The following ROBO1 variants were observed in gnomAD, a reference collection of about 807,000 sequenced individuals.
ROBO1 encodes roundabout guidance receptor 1.
ROBO1 carries 149 observed loss-of-function variants against 195.9 expected under a neutral mutation model. The observed-to-expected ratio is 0.76, with a 90% CI of 0.67 to 0.87. The LOEUF (loss-of-function observed/expected upper bound fraction) is 0.87. ROBO1 is among the 40% of genes least tolerant of loss of function. ROBO1 has a pLI of 0.00. For missense variants in ROBO1, 1,933 were observed against 2,068.3 expected, an observed-to-expected ratio of 0.93 and a Z score of 1.27; for synonymous variants, 816 against 733.2, an observed-to-expected ratio of 1.11 and a Z score of -1.82.
chr3:79,294,652 G>A (rs574999619), intron 2 of ROBO1, among the ~76,000 whole-genome samples: 47 of 152,188 alleles, frequency 3.1e-4, no homozygotes, highest in African/African-American at 8.9e-4. Flanking sequence ...AATCATAAGG[G>A]TGAACAGGCA....
At chr3:79,302,671 G>A (rs947671154) in intron 2 of ROBO1, among the ~76,000 whole-genome samples, 1 of 152,134 alleles carries the variant, frequency 6.6e-6, no homozygotes, top group Non-Finnish European at 1.5e-5. Flanking sequence ...AATATTGCAA[G>A]AGAAAGAGTT....
chr3:78,856,937 C>G (rs1452751272), intron 4 of ROBO1, among the ~76,000 whole-genome samples: 1 of 151,558 alleles, frequency 6.6e-6, no homozygotes, highest in Non-Finnish European at 1.5e-5. Flanking sequence ...TATTTTTAAT[C>G]TTTTAAAATT....
At chr3:79,253,380 C>A (rs1156370531) in intron 2 of ROBO1, among the ~76,000 whole-genome samples, 1 of 152,174 alleles carries the variant, frequency 6.6e-6, no homozygotes, top group Admixed American at 6.5e-5. Flanking sequence ...AGGCTATTCT[C>A]TGCTCTCACA....
intron 2 of ROBO1, among the ~76,000 whole-genome samples, chr3:79,419,277 A>G (rs1041341835): frequency 1.3e-5 from 2 of 152,124 alleles, no homozygotes; most frequent in African/African-American, 2.4e-5. Flanking sequence ...AATTAGACAA[A>G]GAAGATGATC....
At chr3:79,595,901 T>A (rs1251029179) in intron 1 of ROBO1, among the ~76,000 whole-genome samples, 1 of 151,810 alleles carries the variant, frequency 6.6e-6, no homozygotes, top group Non-Finnish European at 1.5e-5. Flanking sequence ...TAGAGTAAAT[T>A]GCTATGCCTA....
intron 8 of ROBO1, among the ~76,000 whole-genome samples, chr3:78,695,178 T>A (rs1204877215): frequency 6.6e-6 from 1 of 150,396 alleles, no homozygotes; most frequent in African/African-American, 2.4e-5. Flanking sequence ...AAATGACGAG[T>A]TAATGGGTGC....
At chr3:79,174,850 C>T (rs555979172) in intron 2 of ROBO1, among the ~76,000 whole-genome samples, 235 of 140,578 alleles carry the variant, frequency 1.7e-3, no homozygotes, top group Non-Finnish European at 2.5e-3. Context: ...AGCAAGACTC[C>T]GCCTCAAAAA....
In ROBO1 at chr3:78,876,262, C is replaced by A. The variant is rs550390546; in HGVS notation, c.499+62339G>T. On this transcript the variant is annotated intron_variant, in intron 4 of 30. Coordinates refer to ENST00000464233, the MANE Select transcript of ROBO1 (RefSeq NM_002941.4). ...TTTTATAGCATTCAAAATAGTTCTA[C>A]AGAGTGTAACCAAACATAAACTAGT... Among the ~76,000 whole-genome samples, 203 of 152,146 alleles carry A rather than the reference C, an allele frequency of 1.3e-3. 2 individuals carry two copies. Among genetic ancestry groups the A allele is most frequent in the South Asian group, 5.4e-3 (26 of 4,826 alleles).
At chr3:79,388,563 A>T (rs964920631) in intron 2 of ROBO1, among the ~76,000 whole-genome samples, 3 of 152,154 alleles carry the variant, frequency 2.0e-5, no homozygotes, top group Non-Finnish European at 2.9e-5. Context: ...ATTGCAGAAA[A>T]AAAAAATCAC....
At chr3:79,673,935 C>T (rs1403376700) in intron 1 of ROBO1, among the ~76,000 whole-genome samples, 1 of 151,958 alleles carries the variant, frequency 6.6e-6, no homozygotes, top group East Asian at 1.9e-4. Flanking sequence ...AACTTTCCCT[C>T]CAGGGGAAGC....
chr3:79,437,392 A>C (rs1210291584), intron 2 of ROBO1, among the ~76,000 whole-genome samples: 2 of 152,092 alleles, frequency 1.3e-5, no homozygotes, highest in South Asian at 2.1e-4. Flanking sequence ...AATACCTGCA[A>C]TATCTACCAA....
At chr3:79,381,690 C>T (rs1452849197) in intron 2 of ROBO1, among the ~76,000 whole-genome samples, 1 of 151,896 alleles carries the variant, frequency 6.6e-6, no homozygotes, top group Non-Finnish European at 1.5e-5. Context: ...AATAACAGGG[C>T]TTAAGGCAAA....
At chr3:78,840,195 G>A (rs1163860549) in intron 4 of ROBO1, among the ~76,000 whole-genome samples, 1 of 152,118 alleles carries the variant, frequency 6.6e-6, no homozygotes, top group African/African-American at 2.4e-5. Context: ...ATGTTCAGCT[G>A]TCCTGATCAT....
chr3:79,373,831 A>C (rs1367488727), intron 2 of ROBO1, among the ~76,000 whole-genome samples: 1 of 152,186 alleles, frequency 6.6e-6, no homozygotes, highest in Admixed American at 6.5e-5. Flanking sequence ...TGCAAAATTC[A>C]GCATTCTGGG....
At chr3:78,703,642 C>A (rs1230280337) in intron 8 of ROBO1, among the ~76,000 whole-genome samples, 6 of 151,982 alleles carry the variant, frequency 3.9e-5, no homozygotes, top group Admixed American at 3.9e-4. Context: ...GACACACAAA[C>A]CTCCACAACA....
chr3:78,780,369 A>G (rs2083639399), intron 4 of ROBO1, among the ~76,000 whole-genome samples: 1 of 152,206 alleles, frequency 6.6e-6, no homozygotes. Flanking sequence ...CTTAGCCAAT[A>G]AAGAAAATAC....
intron 2 of ROBO1, among the ~76,000 whole-genome samples, chr3:79,334,533 A>G (rs2034587974): frequency 6.6e-6 from 1 of 151,722 alleles, no homozygotes; most frequent in African/African-American, 2.4e-5. Flanking sequence ...GATGTTCGAT[A>G]AACTTGTGTT....
chr3:78,708,467 ATTTGC>A (rs1414282048), intron 8 of ROBO1, among the ~76,000 whole-genome samples: 1 of 152,146 alleles, frequency 6.6e-6, no homozygotes, highest in African/African-American at 2.4e-5. Context: ...AGAAAAAAGC[ATTTGC>A]TTTTCTTTTT....
At chr3:78,767,912 T>C (rs965060800) in intron 4 of ROBO1, among the ~76,000 whole-genome samples, 1 of 152,190 alleles carries the variant, frequency 6.6e-6, no homozygotes, top group African/African-American at 2.4e-5. Flanking sequence ...TTTTTTTGTT[T>C]CAATTTTATT....
Sources: gnomAD v4.1 joint callset for allele counts (sites outside exome capture counted in the v4.1 genomes callset) on GRCh38, gnomAD v4.1.1 for gene constraint, MANE v1.5 for transcripts, NCBI Gene and HGNC (gene_info 2026-07-23, HGNC 2026-07-21) for gene names.